GPRIN2: variants seen among roughly 807,000 people sequenced by gnomAD.
The protein encoded by GPRIN2 is G protein-regulated inducer of neurite outgrowth 2.
A neutral mutation model predicts 0.3 loss-of-function variants in GPRIN2; 1 was observed. The ratio of observed to expected loss-of-function variants is 3.90; its 90% CI spans 1.39 to 18.51. The LOEUF is 18.51. GPRIN2 is among the 30% of genes most tolerant of loss of function. The pLI is 0.11. For missense variants in GPRIN2, 880 were observed against 604.2 expected (o/e 1.46, Z -4.79); for synonymous variants, 361 against 258.6 (o/e 1.40, Z -3.80).
In GPRIN2 at chr10:46,550,437, G is replaced by A. The variant is rs1555020118; in HGVS notation, c.300C>T (p.Thr100=). 9 of 1,611,996 alleles carry A rather than the reference G, an allele frequency of 5.6e-6. No homozygotes were observed. The highest frequency in any genetic ancestry group is 1.7e-5 in the Admixed American group (1 of 59,996). ...WWSSTVGNVS[T]MGGSDLCRLR... is the part of the protein sequence containing the mutation. ...GGCGACACAGGTCACTGCCGCCCAT[G>A]GTGGACACATTGCCCACAGTGCTGC... The change falls in exon 3 of 3, where the codon ACC becomes ACT. Residue 100 remains threonine, a synonymous_variant. Coordinates refer to ENST00000374314, the MANE Select transcript of GPRIN2 (RefSeq NM_001385282.1).
At position 46,547,177 on chromosome 10, in the gene GPRIN2, C is replaced by T. The variant is rs1253720137; in HGVS notation, c.*2183G>A. Among the ~76,000 whole-genome samples the T allele has an allele frequency of 6.6e-6, 1 of 152,310 alleles. No homozygotes were observed. Among genetic ancestry groups the T allele is most frequent in the Non-Finnish European group, 1.5e-5 (1 of 68,058 alleles). On this transcript the variant is annotated 3_prime_UTR_variant, in exon 3 of 3. Transcript: ENST00000374314. ...TGGAAACCTCAGCATCCTGAAATGC[C>T]TCCTCCCCAAATCCATTGCACACAT...
At chr10:46,551,301 G>T (rs945627967) in intron 2 of GPRIN2, 4 of 745,506 alleles carry the variant, frequency 5.4e-6, no homozygotes, top group African/African-American at 1.9e-5. Context: ...TTCACAGGAC[G>T]AGGGAGCAAT....
At chr10:46,557,344 C>T (rs1486405208), upstream of GPRIN2, among the ~76,000 whole-genome samples, 1 of 152,300 alleles carries the variant, frequency 6.6e-6, no homozygotes, top group Non-Finnish European at 1.5e-5. Flanking sequence ...TGGCCTGGCC[C>T]CCGGAGCCCT....
intron 2 of GPRIN2, 118 bp from the exon 3 acceptor site, chr10:46,550,860 G>T (rs1487649533): frequency 4.2e-6 from 5 of 1,184,378 alleles, no homozygotes; most frequent in Non-Finnish European, 5.7e-6. Flanking sequence ...GTCCCAGCCT[G>T]CCTGACTGGT....
At position 46,545,759 on chromosome 10, in the gene GPRIN2, T is replaced by C. The variant is rs1401283113; in HGVS notation, c.*3601A>G. Reference sequence around the variant, plus strand: ...AGAGGGGTGCCCAACACTACCAGCCTGTGTGCTGAGCACTAACTCAGTGCC... The same window carrying C: ...AGAGGGGTGCCCAACACTACCAGCCCGTGTGCTGAGCACTAACTCAGTGCC... On this transcript the variant is annotated 3_prime_UTR_variant, in exon 3 of 3. Transcript: ENST00000374314. Among the ~76,000 whole-genome samples, 2 of 152,304 alleles carry C rather than the reference T, an allele frequency of 1.3e-5. No homozygotes were observed. Among genetic ancestry groups the C allele is most frequent in the Admixed American group, 1.3e-4 (2 of 15,292 alleles).
Position 46,546,805 on chromosome 10 carries a change from G to A in GPRIN2, c.*2555C>T, listed in dbSNP as rs2131613216. On this transcript the variant is annotated 3_prime_UTR_variant, in exon 3 of 3. Coordinates refer to ENST00000374314, the MANE Select transcript of GPRIN2 (RefSeq NM_001385282.1). Reference sequence around the variant, plus strand: ...CAACTGGGCTAGGGAGACAAGGATCGTGGTTTAGCCAGGAGAATCATCTGG... The same window carrying A: ...CAACTGGGCTAGGGAGACAAGGATCATGGTTTAGCCAGGAGAATCATCTGG... Among the ~76,000 whole-genome samples, 25 of 152,320 alleles carry A rather than the reference G, an allele frequency of 1.6e-4. No homozygotes were observed. Among genetic ancestry groups the A allele is most frequent in the Admixed American group, 5.2e-4 (8 of 15,264 alleles).
rs1832542120 is a variant in GPRIN2, at chr10:46,549,942, C to T, written c.795G>A (p.Val265=). Residue 265 remains valine, a synonymous_variant, in exon 3 of 3, where the codon GTG becomes GTA. Coordinates refer to ENST00000374314, the MANE Select transcript of GPRIN2 (RefSeq NM_001385282.1). ...GCTGAGCCTGCAGCCCAGACTCGCT[C>T]ACTGACGCCACTAGTTTGGGAAAGG... The part of the protein sequence containing the change: ...ILAFPKLVAS[V]SESGLQAQHG... The T allele has an allele frequency of 1.9e-6, 3 of 1,614,288 alleles. No individual in the cohort carries two copies. The highest frequency in any genetic ancestry group is 2.2e-5 in the South Asian group (2 of 91,092).
chr10:46,543,950 T>G lies in GPRIN2; in HGVS notation c.*5410A>C, dbSNP rs1841936213. Among the ~76,000 whole-genome samples, 1 of 151,656 alleles carries G rather than the reference T, an allele frequency of 6.6e-6. No individual in the cohort carries two copies. Among genetic ancestry groups the G allele is most frequent in the Admixed American group, 6.6e-5 (1 of 15,218 alleles). On this transcript the variant is annotated 3_prime_UTR_variant, in exon 3 of 3. Coordinates refer to ENST00000374314, the MANE Select transcript of GPRIN2 (RefSeq NM_001385282.1). ...CCCAATCCTATGGGCCCACGTCACT[T>G]TGGTTTCGCTTGTTTTTTTTTTTAG... is the stretch of plus-strand genomic sequence containing the variant.
intron 2 of GPRIN2, among the ~76,000 whole-genome samples, chr10:46,553,942 C>T (rs1008012796): frequency 6.5e-4 from 99 of 152,336 alleles, no homozygotes; most frequent in African/African-American, 2.2e-3. Flanking sequence ...AGAGGAGGGG[C>T]CTCCCAGGGA....
At chr10:46,551,552 A>T in intron 2 of GPRIN2, 1 of 970,922 alleles carries the variant, frequency 1.0e-6, no homozygotes, top group Non-Finnish European at 1.2e-6. Context: ...GGAACATGGG[A>T]TTCATTCAGA....
At position 46,544,273 on chromosome 10, in the gene GPRIN2, G is replaced by A. The variant is rs994307971; in HGVS notation, c.*5087C>T. Among the ~76,000 whole-genome samples, 1 of 152,312 alleles carries A rather than the reference G, an allele frequency of 6.6e-6. No individual in the cohort carries two copies. Among genetic ancestry groups the A allele is most frequent in the Admixed American group, 6.5e-5 (1 of 15,294 alleles). On this transcript the variant is annotated 3_prime_UTR_variant, in exon 3 of 3. Coordinates refer to ENST00000374314, the MANE Select transcript of GPRIN2 (RefSeq NM_001385282.1). ...ATGGACAGGAAAGAGGCCAAGGGCA[G>A]GCAGTTCCCAATCTCCACAAGGGCA...
In GPRIN2 at chr10:46,543,095, C is replaced by T. The variant is rs1841878385; in HGVS notation, c.*6265G>A. On this transcript the variant is annotated 3_prime_UTR_variant, in exon 3 of 3. Transcript: ENST00000374314. ...ACTTGGCACAGCAACCCCAGGGAGA[C>T]CTCCCTCTGTAAGGAGATGCTCAGA... Among the ~76,000 whole-genome samples, 1 of 152,312 alleles carries T rather than the reference C, an allele frequency of 6.6e-6. No homozygotes were observed.
chr10:46,556,273 G>A (rs1409412320), intron 1 of GPRIN2, among the ~76,000 whole-genome samples: 1 of 152,310 alleles, frequency 6.6e-6, no homozygotes. Context: ...AAAATGGGAG[G>A]ATGGGCAGAG....
intron 2 of GPRIN2, among the ~76,000 whole-genome samples, chr10:46,553,974 G>A (rs1842893017): frequency 6.6e-6 from 1 of 152,308 alleles, no homozygotes; most frequent in African/African-American, 2.4e-5. Flanking sequence ...GGAGGAAGGG[G>A]CAGGGCTCTG....
chr10:46,546,308 G>C lies in GPRIN2; in HGVS notation c.*3052C>G, dbSNP rs1367253389. Among the ~76,000 whole-genome samples the C allele has an allele frequency of 1.3e-5, 2 of 152,308 alleles. No individual in the cohort carries two copies. Among genetic ancestry groups the C allele is most frequent in the African/African-American group, 4.8e-5 (2 of 41,488 alleles). ...GGGGGTCCTGAATGCCATGGAAGGA[G>C]AGCAGGTGGGCAGAAGCAGGGAGCC... On this transcript the variant is annotated 3_prime_UTR_variant, in exon 3 of 3. Coordinates refer to ENST00000374314, the MANE Select transcript of GPRIN2 (RefSeq NM_001385282.1).
chr10:46,555,067 C>T (rs919492570), intron 1 of GPRIN2, among the ~76,000 whole-genome samples: 3 of 152,402 alleles, frequency 2.0e-5, no homozygotes, highest in South Asian at 2.1e-4. Context: ...TTGTCTTAGT[C>T]TCCCGGCAGC....
rs1170130142 is a variant in GPRIN2 at position 46,543,213 on chromosome 10, A to G, written c.*6147T>C. Reference sequence around the variant, plus strand: ...CAAATGCCAAGACCCAGACACAGCCACAGCTGGGGGCCTGGTGGGGGGAAT... The same window carrying G: ...CAAATGCCAAGACCCAGACACAGCCGCAGCTGGGGGCCTGGTGGGGGGAAT... On this transcript the variant is annotated 3_prime_UTR_variant, in exon 3 of 3. Coordinates refer to ENST00000374314, the MANE Select transcript of GPRIN2 (RefSeq NM_001385282.1). Among the ~76,000 whole-genome samples the G allele has an allele frequency of 6.6e-6, 1 of 152,308 alleles. No individual in the cohort carries two copies. The highest frequency in any genetic ancestry group is 1.5e-5 in the Non-Finnish European group (1 of 68,056).
In GPRIN2 at chr10:46,546,668, C is replaced by T. The variant is rs1288401230; in HGVS notation, c.*2692G>A. On this transcript the variant is annotated 3_prime_UTR_variant, in exon 3 of 3. Coordinates refer to ENST00000374314, the MANE Select transcript of GPRIN2 (RefSeq NM_001385282.1). ...CTCTGGGGCCCTAAACCACTGCAGG[C>T]ATCAGGGCTGTTCCAGGAGAGGGCA... 1.3e-5 allele frequency among the ~76,000 whole-genome samples: 2 copies of T among 152,310 alleles called. No individual in the cohort carries two copies. The highest frequency in any genetic ancestry group is 4.8e-5 in the African/African-American group (2 of 41,486).
At position 46,549,811 on chromosome 10, in the gene GPRIN2, C is replaced by T. The variant is rs1396276807; in HGVS notation, c.926G>A (p.Arg309Lys). The T allele has an allele frequency of 9.9e-6, 16 of 1,614,084 alleles. No homozygotes were observed. The East Asian group carries it at 2.4e-4, about 25-fold the overall frequency. The change falls in exon 3 of 3, where the codon AGG (arginine) becomes AAG (lysine). Residue 309 changes from arginine to lysine, a missense_variant. By Grantham distance (26) the Arg-to-Lys change is conservative (BLOSUM62 2). Transcript: ENST00000374314. The stretch of plus-strand genomic sequence containing the variant: ...GGTCATGGTCCACACATCTTTGGTC[C>T]TAGAGCCAGGCTCTGGGACTAACCC... The part of the protein sequence containing the change: ...PAGLVPEPGS[R>K]TKDVWTMTSA...
Sources: gnomAD v4.1 joint callset for allele counts (sites outside exome capture counted in the v4.1 genomes callset) on GRCh38, gnomAD v4.1.1 for gene constraint, MANE v1.5 for transcripts, NCBI Gene and HGNC (gene_info 2026-07-23, HGNC 2026-07-21) for gene names.